Variants in UBN1 observed in about 807,000 individuals in gnomAD.
UBN1 encodes ubinuclein-1.
In UBN1, 17 loss-of-function variants were observed where a neutral mutation model predicts 108.5. The ratio of observed to expected loss-of-function variants is 0.16; its 90% CI spans 0.11 to 0.24. The LOEUF is 0.24. UBN1 is among the 10% of genes least tolerant of loss of function. UBN1 has a pLI of 1.00. For missense variants in UBN1, 1,595 were observed against 1,394.4 expected (o/e 1.14, Z -2.29); for synonymous variants, 726 against 564.2 (o/e 1.29, Z -4.07).
chr16:4,870,693 T>C, intron 10 of UBN1, 59 bp downstream of exon 10: 1 of 1,603,140 alleles, frequency 6.2e-7, no homozygotes, highest in South Asian at 1.1e-5. Flanking sequence ...TCCCCTCCCG[T>C]TTCTCGGTGT....
At chr16:4,869,721 A>C (rs1484646390) in intron 8 of UBN1, among the ~76,000 whole-genome samples, 1 of 152,182 alleles carries the variant, frequency 6.6e-6, no homozygotes, top group African/African-American at 2.4e-5. Flanking sequence ...GAGCGTGCCA[A>C]ATGTGGACAG....
Position 4,847,503 on chromosome 16 carries a change from C to G in UBN1, c.-747C>G, listed in dbSNP as rs935981032. On this transcript the variant is annotated 5_prime_UTR_variant, in exon 1 of 18. Transcript: ENST00000262376. ...CCCGGCTCCTTCCCCCTCCCTTCGGCTCGTGACAACGAAGCGCCCGCGGTC... is the reference window on the plus strand; with the variant it reads ...CCCGGCTCCTTCCCCCTCCCTTCGGGTCGTGACAACGAAGCGCCCGCGGTC... 1.1e-4 allele frequency: 59 copies of G among 540,008 alleles called. No individual in the cohort carries two copies. The highest frequency in any genetic ancestry group is 1.8e-4 in the Non-Finnish European group (57 of 319,216). The allele number at this position is 540,008 out of a possible 1,614,324, so 33.5% of individuals were successfully genotyped here.
chr16:4,867,757 A>C (rs1362584454), intron 7 of UBN1, among the ~76,000 whole-genome samples: 1 of 152,062 alleles, frequency 6.6e-6, no homozygotes, highest in Non-Finnish European at 1.5e-5. Flanking sequence ...AGTGAGAGGA[A>C]GGTGAGTGGG....
At position 4,875,368 on chromosome 16, in the gene UBN1, G is replaced by A. The variant is rs1304491219; in HGVS notation, c.2958G>A (p.Lys986=). The A allele has an allele frequency of 1.4e-5, 23 of 1,614,098 alleles. No individual in the cohort carries two copies. The highest frequency in any genetic ancestry group is 1.9e-5 in the Non-Finnish European group (22 of 1,180,054). ...GTGGTGGGACCCAGGGAGTGGCAAAGTTGCTGACCTCGCCGTCCCTAAAGC... is the reference window on the plus strand; with the variant it reads ...GTGGTGGGACCCAGGGAGTGGCAAAATTGCTGACCTCGCCGTCCCTAAAGC... The part of the protein sequence containing the change: ...DSSGGTQGVA[K]LLTSPSLKPS... The change falls in exon 15 of 18, where the codon AAG becomes AAA. Residue 986 remains lysine (K), a synonymous_variant. Coordinates refer to ENST00000262376, the MANE Select transcript of UBN1 (RefSeq NM_001079514.3).
intron 12 of UBN1, chr16:4,872,422 G>C: frequency 2.2e-6 from 2 of 897,582 alleles, no homozygotes; most frequent in Non-Finnish European, 2.6e-6. Flanking sequence ...CAGGAATTTG[G>C]CTCCCCAATC....
intron 15 of UBN1, among the ~76,000 whole-genome samples, 161 bp from the exon 16 acceptor site, chr16:4,876,710 G>C (rs2087902568): frequency 6.6e-6 from 1 of 152,184 alleles, no homozygotes; most frequent in African/African-American, 2.4e-5. Flanking sequence ...TCCTGTCTTT[G>C]GGGCTGCAGG....
chr16:4,873,569 C>T (rs1415071328), intron 14 of UBN1, among the ~76,000 whole-genome samples: 2 of 152,210 alleles, frequency 1.3e-5, no homozygotes, highest in Non-Finnish European at 2.9e-5. Flanking sequence ...TGTTTATCAA[C>T]ATTTTTCCCA....
At position 4,853,022 on chromosome 16, in the gene UBN1, T is replaced by C; in HGVS notation, c.105T>C (p.His35=). ...RKEEAGAGEQ[H]QDCEPAAAAV... ...AGGAGGCTGGGGCAGGAGAACAGCATCAGGACTGTGAGCCGGCTGCAGCAG... is the reference window on the plus strand; with the variant it reads ...AGGAGGCTGGGGCAGGAGAACAGCACCAGGACTGTGAGCCGGCTGCAGCAG... The change falls in exon 2 of 18, where the codon CAT becomes CAC. Residue 35 remains histidine (H), a synonymous_variant. Coordinates refer to ENST00000262376, the MANE Select transcript of UBN1 (RefSeq NM_001079514.3). 1 of 1,614,194 alleles carries C rather than the reference T, an allele frequency of 6.2e-7. No individual in the cohort carries two copies. Among genetic ancestry groups the C allele is most frequent in the Non-Finnish European group, 8.5e-7 (1 of 1,180,024 alleles).
intron 14 of UBN1, 49 bp downstream of exon 14, chr16:4,873,122 A>G: frequency 6.2e-7 from 1 of 1,611,598 alleles, no homozygotes; most frequent in Non-Finnish European, 8.5e-7. Context: ...ATCTCCCTAC[A>G]ACTATGCTCT....
At chr16:4,861,804 C>T (rs2087077572) in intron 7 of UBN1, among the ~76,000 whole-genome samples, 1 of 152,160 alleles carries the variant, frequency 6.6e-6, no homozygotes, top group Non-Finnish European at 1.5e-5. Flanking sequence ...TTAGCTGGGC[C>T]TGGTGGCGCT....
chr16:4,855,448 G>C (rs2086759291), intron 2 of UBN1, among the ~76,000 whole-genome samples: 1 of 151,796 alleles, frequency 6.6e-6, no homozygotes, highest in African/African-American at 2.4e-5. Context: ...AACTCCATCT[G>C]TGCAAAATAA....
At chr16:4,878,695 A>G (rs2087988784) in intron 17 of UBN1, among the ~76,000 whole-genome samples, 1 of 152,168 alleles carries the variant, frequency 6.6e-6, no homozygotes, top group Non-Finnish European at 1.5e-5. Context: ...GCTTACTCTC[A>G]GGAATGTTAC....
At chr16:4,879,766 G>T (rs1245798642) in intron 17 of UBN1, among the ~76,000 whole-genome samples, 1 of 152,194 alleles carries the variant, frequency 6.6e-6, no homozygotes, top group Non-Finnish European at 1.5e-5. Flanking sequence ...CTGTGTGATC[G>T]TCAGGCCTCG....
At position 4,877,343 on chromosome 16, in the gene UBN1, T is replaced by C; in HGVS notation, c.3266-42T>C. 9 of 1,588,142 alleles carry C rather than the reference T, an allele frequency of 5.7e-6. No homozygotes were observed. The highest frequency in any genetic ancestry group is 7.7e-6 in the Non-Finnish European group (9 of 1,164,658). ...GCTGCTTTCCTGTTCCTGTCTTCAA[T>C]GTGTGTGTTTTGTTCTTTTCTCCCC... On this transcript the variant is annotated intron_variant, in intron 16 of 17. Coordinates refer to ENST00000262376, the MANE Select transcript of UBN1 (RefSeq NM_001079514.3). The surrounding 1 kb of genome is among the most constrained non-coding windows in gnomAD (Gnocchi z 4.3).
intron 2 of UBN1, among the ~76,000 whole-genome samples, chr16:4,855,780 G>A (rs900414963): frequency 3.3e-5 from 5 of 152,184 alleles, no homozygotes; most frequent in African/African-American, 4.8e-5. Context: ...TTAGCCGGGT[G>A]TGGTAGTGCA....
At position 4,869,824 on chromosome 16, in the gene UBN1, G is replaced by A. The variant is rs1333393984; in HGVS notation, c.1182-388G>A. 2.0e-5 allele frequency among the ~76,000 whole-genome samples: 3 copies of A among 152,260 alleles called. No homozygotes were observed. The East Asian group carries it at 5.8e-4, about 29-fold the overall frequency. The stretch of plus-strand genomic sequence containing the variant: ...CCTGACCTCATAATGGTTGATAAAC[G>A]TGGGGACTGGGGGAAAAAAAAGAAA... On this transcript the variant is annotated intron_variant, in intron 8 of 17. Coordinates refer to ENST00000262376, the MANE Select transcript of UBN1 (RefSeq NM_001079514.3).
Position 4,847,518 on chromosome 16 carries a change from C to A in UBN1, c.-732C>A, listed in dbSNP as rs1042188848. 3 of 504,860 alleles carry A rather than the reference C, an allele frequency of 5.9e-6. No homozygotes were observed. In the East Asian group the frequency reaches 1.1e-4, roughly 19 times the overall value. 31.3% of individuals were successfully genotyped at this position (504,860 alleles called of 1,614,324 possible). A position where few individuals can be genotyped will look rare whatever the true frequency, so the allele number is the denominator to read the frequency against. On this transcript the variant is annotated 5_prime_UTR_variant, in exon 1 of 18. Coordinates refer to ENST00000262376, the MANE Select transcript of UBN1 (RefSeq NM_001079514.3). ...CTCCCTTCGGCTCGTGACAACGAAG[C>A]GCCCGCGGTCTGAGGCGGCGGCGGC...
chr16:4,869,585 G>A (rs570553908), intron 8 of UBN1, among the ~76,000 whole-genome samples: 30 of 152,322 alleles, frequency 2.0e-4, no homozygotes, highest in Admixed American at 8.5e-4. Context: ...CAAAATGTGG[G>A]TGTTCTACCA....
At chr16:4,856,549 T>C (rs757291456) in intron 2 of UBN1, among the ~76,000 whole-genome samples, 14 of 152,216 alleles carry the variant, frequency 9.2e-5, no homozygotes, top group Non-Finnish European at 1.5e-4. Context: ...AATTACAATA[T>C]GGTCATTGTT....
Sources: allele counts gnomAD v4.1 joint callset (sites outside exome capture counted in the v4.1 genomes callset), GRCh38; gene constraint gnomAD v4.1.1; non-coding constraint Gnocchi (gnomAD v3.1); transcripts MANE v1.5; gene names NCBI Gene and HGNC (gene_info 2026-07-23, HGNC 2026-07-21).